The following TTC34 variants were observed in gnomAD, a reference collection of about 807,000 sequenced individuals.
The protein encoded by TTC34 is tetratricopeptide repeat protein 34.
A neutral mutation model predicts 40.7 loss-of-function variants in TTC34; 44 were observed. That is an observed-to-expected ratio of 1.08 (90% CI 0.85 to 1.39). TTC34 has a LOEUF of 1.39. Among genes scored for constraint, TTC34 ranks in the 40% most tolerant of loss-of-function variants. The pLI is 0.00. For missense variants in TTC34, 884 were observed against 838.0 expected (o/e 1.05, Z -0.68); for synonymous variants, 422 against 398.6 (o/e 1.06, Z -0.70).
intron 6 of TTC34, among the ~76,000 whole-genome samples, chr1:2,751,853 C>A (rs1325098753): frequency 3.2e-5 from 3 of 92,422 alleles, no homozygotes; most frequent in Non-Finnish European, 4.2e-5. Flanking sequence ...CCTGCACCCC[C>A]AAGTGAGCAT....
chr1:2,694,974 C>G (rs1453140799), intron 6 of TTC34, among the ~76,000 whole-genome samples: 7 of 146,960 alleles, frequency 4.8e-5, no homozygotes, highest in African/African-American at 9.9e-5. Context: ...ATCTGACAGC[C>G]TGGAGCAGCA....
In TTC34 at chr1:2,789,473, C is replaced by T. The variant is rs1395836817; in HGVS notation, c.1628+30G>A. 4 of 1,496,862 alleles carry T rather than the reference C, an allele frequency of 2.7e-6. No homozygotes were observed. The Admixed American group carries it at 6.4e-5, about 24-fold the overall frequency. 92.7% of individuals were successfully genotyped at this position (1,496,862 alleles called of 1,614,324 possible). On this transcript the variant is annotated intron_variant, in intron 3 of 8. Transcript: ENST00000401095. ...CTCGAAGGAGACCCGCAGGAAGCAG[C>T]GGCCCCAGCGTGCCCGGGCGGGTCC...
At chr1:2,790,257 C>T (rs973358900) in exon 3 of TTC34, 2 of 398,340 alleles carry the variant, frequency 5.0e-6, no homozygotes, top group Admixed American at 8.8e-5. Context: ...CGGAAGGCCT[C>T]CTGCAGGTTC....
intron 6 of TTC34, among the ~76,000 whole-genome samples, chr1:2,753,650 A>C: frequency 1.0e-5 from 1 of 97,960 alleles, no homozygotes; most frequent in Admixed American, 1.0e-4. Flanking sequence ...CTGGAGCAGC[A>C]CCCACACCCC....
In TTC34 at chr1:2,645,548, T is replaced by A; in HGVS notation, c.2242A>T (p.Ile748Phe). The A allele has an allele frequency of 2.0e-6, 2 of 990,242 alleles. No individual in the cohort carries two copies. The highest frequency in any genetic ancestry group is 2.5e-6 in the Non-Finnish European group (2 of 792,780). The allele number at this position is 990,242 out of a possible 1,614,324, so 61.3% of individuals were successfully genotyped here. A position where few individuals can be genotyped will look rare whatever the true frequency, so the allele number is the denominator to read the frequency against. ...GGGCCGAGCTTCAGAGCAGAGACGA[T>A]GTCGTCCACGGCTTCCTGCAAGGAG... The change falls in exon 7 of 9, where the codon ATC becomes TTC. Residue 748 changes from isoleucine to phenylalanine, a missense_variant. Ile to Phe is a conservative substitution (Grantham distance 21). Transcript: ENST00000401095. This position sits in a 1 kb window ranked among gnomAD's most constrained non-coding sequence, Gnocchi z 4.7.
chr1:2,761,265 T>C (rs1174942918), intron 6 of TTC34, among the ~76,000 whole-genome samples: 168 of 17,556 alleles, frequency 9.6e-3, no homozygotes, highest in South Asian at 0.012. Context: ...CATCCGACAG[T>C]CTGGGGCAGC....
At chr1:2,752,241 C>A (rs1230657055) in intron 6 of TTC34, among the ~76,000 whole-genome samples, 1 of 111,034 alleles carries the variant, frequency 9.0e-6, no homozygotes, top group African/African-American at 4.2e-5. Context: ...ACTGGAACAG[C>A]TCCCAAATGC....
chr1:2,785,333 C>T (rs558203751), intron 5 of TTC34, among the ~76,000 whole-genome samples: 4 of 107,090 alleles, frequency 3.7e-5, no homozygotes, highest in East Asian at 6.8e-4. Context: ...TGGGAAACAT[C>T]GCCTTCCCTC....
At chr1:2,643,588 C>A (rs1638957739) in intron 8 of TTC34, among the ~76,000 whole-genome samples, 1 of 152,066 alleles carries the variant, frequency 6.6e-6, no homozygotes, top group Non-Finnish European at 1.5e-5. Flanking sequence ...TGAGACCCCA[C>A]CCCGCCCAGC....
At chr1:2,673,354 G>C (rs1262267808) in intron 6 of TTC34, among the ~76,000 whole-genome samples, 4 of 46,748 alleles carry the variant, frequency 8.6e-5, no homozygotes, top group South Asian at 6.0e-4. Context: ...CGGAACCCAC[G>C]GCCACAGGCG....
chr1:2,779,590 T>C (rs1168364847), intron 6 of TTC34, among the ~76,000 whole-genome samples: 1 of 152,246 alleles, frequency 6.6e-6, no homozygotes, highest in Non-Finnish European at 1.5e-5. Context: ...CTCAAAGTGC[T>C]GGGATTACAG....
At chr1:2,688,605 C>G (rs1275031647) in intron 6 of TTC34, among the ~76,000 whole-genome samples, 3 of 141,804 alleles carry the variant, frequency 2.1e-5, no homozygotes, top group African/African-American at 5.8e-5. Context: ...GGAGCAGCAC[C>G]CACACCCCCA....
chr1:2,700,294 C>A (rs1203874088), intron 6 of TTC34, among the ~76,000 whole-genome samples: 2 of 108,348 alleles, frequency 1.8e-5, no homozygotes, highest in South Asian at 2.9e-4. Context: ...CACCCACACC[C>A]CCAGGTGAGC....
At position 2,761,287 on chromosome 1, in the gene TTC34, C is replaced by T. The variant is rs1247466082; in HGVS notation, c.2226+22322G>A. On this transcript the variant is annotated intron_variant, in intron 6 of 8. Transcript: ENST00000401095. ...CAGTCTGGGGCAGCACCCACTCCCG[C>T]AGGTGAGCATCCGACAGCCTGGAGC... Among the ~76,000 whole-genome samples, 8 of 58,524 alleles carry T rather than the reference C, an allele frequency of 1.4e-4. 3 individuals are homozygous for T. In the East Asian group the frequency reaches 4.0e-3, roughly 29 times the overall value. 38.4% of individuals were successfully genotyped at this position (58,524 alleles called of 152,430 possible).
At chr1:2,776,448 C>T (rs1643171879) in intron 6 of TTC34, 1 of 122,944 alleles carries the variant, frequency 8.1e-6, no homozygotes, top group South Asian at 2.9e-4. Flanking sequence ...CCACTGCCCC[C>T]AGGTGAGCAT....
chr1:2,748,788 G>A (rs1641226905), intron 6 of TTC34, among the ~76,000 whole-genome samples: 2 of 131,026 alleles, frequency 1.5e-5, no homozygotes, highest in African/African-American at 3.1e-5. Context: ...GCAGCCTGGA[G>A]CGGAACCCAC....
chr1:2,684,959 C>T (rs532702476), intron 6 of TTC34, among the ~76,000 whole-genome samples: 2 of 141,866 alleles, frequency 1.4e-5, no homozygotes, highest in African/African-American at 5.7e-5. Flanking sequence ...CACCCACACC[C>T]CCAGACGAGC....
chr1:2,641,894 G>A lies in TTC34; in HGVS notation c.2714C>T (p.Ala905Val), dbSNP rs533599606. 30 of 1,478,326 alleles carry A rather than the reference G, an allele frequency of 2.0e-5. No individual in the cohort carries two copies. In the African/African-American group the frequency reaches 3.1e-4, roughly 15 times the overall value. The allele number at this position is 1,478,326 out of a possible 1,614,324, so 91.6% of individuals were successfully genotyped here. Residue 905 changes from alanine (A) to valine (V), a missense_variant and splice_region_variant, in exon 9 of 9, where the codon GCG becomes GTG. Ala to Val is a moderately conservative substitution (Grantham distance 64, BLOSUM62 0). Coordinates refer to ENST00000401095, the Ensembl canonical transcript of TTC34. Reference sequence around the variant, plus strand: ...GAGGGTGCCGGCTTCCTGGGCCGCCGCCTGCACAGAGGACACAGAGAGAGG... The same window carrying A: ...GAGGGTGCCGGCTTCCTGGGCCGCCACCTGCACAGAGGACACAGAGAGAGG...
chr1:2,690,384 A>C (rs1640562799), intron 6 of TTC34, among the ~76,000 whole-genome samples: 1 of 151,970 alleles, frequency 6.6e-6, no homozygotes, highest in Non-Finnish European at 1.5e-5. Context: ...CCACACCCCC[A>C]GGCGAGCATC....
Sources: gnomAD v4.1 joint callset for allele counts (sites outside exome capture counted in the v4.1 genomes callset) on GRCh38, gnomAD v4.1.1 for gene constraint, Gnocchi (gnomAD v3.1) non-coding constraint, MANE v1.5 for transcripts, NCBI Gene and HGNC (gene_info 2026-07-23, HGNC 2026-07-21) for gene names.